MDGA2: variants seen among roughly 807,000 people sequenced by gnomAD.
MDGA2 encodes MAM domain-containing glycosylphosphatidylinositol anchor protein 2.
Under a neutral mutation model 117.8 loss-of-function variants are expected in MDGA2, and 40 were observed. The ratio of observed to expected loss-of-function variants is 0.34; its 90% CI spans 0.26 to 0.44. The LOEUF is 0.44. MDGA2 is among the 20% of genes least tolerant of loss of function. The pLI, the probability that MDGA2 is intolerant of heterozygous loss-of-function variation, is 1.00. For synonymous variants in MDGA2, 452 were observed against 439.0 expected, an observed-to-expected ratio of 1.03 and a Z score of -0.37; for missense variants, 1,123 against 1,250.6, an observed-to-expected ratio of 0.90 and a Z score of 1.54.
At position 47,312,698 on chromosome 14, in the gene MDGA2, G is replaced by GT. The variant is rs10688219; in HGVS notation, c.281-11149dup. On this transcript the variant is annotated intron_variant, in intron 1 of 16. Transcript: ENST00000399232. ...TTTAGTTTTTTTTTTGTTTTGTTTTGTTTTTTTTTTTTGTAGAGATAGGGT... is the reference window on the plus strand; with the variant it reads ...TTTAGTTTTTTTTTTGTTTTGTTTTGTTTTTTTTTTTTTGTAGAGATAGGGT... Among the ~76,000 whole-genome samples, 472 of 133,720 alleles carry GT rather than the reference G, an allele frequency of 3.5e-3. 15 individuals are homozygous for GT. The highest frequency in any genetic ancestry group is 0.012 in the African/African-American group (416 of 35,360). 87.7% of individuals were successfully genotyped at this position (133,720 alleles called of 152,430 possible).
intron 9 of MDGA2, among the ~76,000 whole-genome samples, chr14:46,928,737 A>C (rs1287237126): frequency 6.6e-6 from 1 of 152,170 alleles, no homozygotes; most frequent in Non-Finnish European, 1.5e-5. Flanking sequence ...TTTTAATACC[A>C]AAATCATGAC....
At chr14:47,226,334 G>C (rs73249923) in intron 2 of MDGA2, among the ~76,000 whole-genome samples, 1 of 152,110 alleles carries the variant, frequency 6.6e-6, no homozygotes, top group African/African-American at 2.4e-5. Context: ...ATGATGAAGA[G>C]GGACTCATCA....
chr14:47,036,202 G>A (rs1385803634), intron 7 of MDGA2, among the ~76,000 whole-genome samples: 6 of 149,252 alleles, frequency 4.0e-5, no homozygotes, highest in African/African-American at 1.2e-4. Flanking sequence ...CCCGGGAGGC[G>A]GAGCTTGCAG....
Position 47,288,230 on chromosome 14 carries a change from T to C in MDGA2, c.420+13181A>G, listed in dbSNP as rs530909312. Among the ~76,000 whole-genome samples the C allele has an allele frequency of 1.4e-4, 22 of 152,298 alleles. 3 individuals are homozygous for C. The South Asian group carries it at 4.1e-3, about 29-fold the overall frequency. On this transcript the variant is annotated intron_variant, in intron 2 of 16. Transcript: ENST00000399232. ...TATAAAATTTACATATCTCATGAAA[T>C]ATGTTTACATTCATTCTGTGCAGTA...
At chr14:46,925,524 C>T (rs945369523) in intron 9 of MDGA2, among the ~76,000 whole-genome samples, 4 of 147,526 alleles carry the variant, frequency 2.7e-5, no homozygotes, top group Admixed American at 1.4e-4. Flanking sequence ...CCCAGCTATT[C>T]GGGAGGCTGA....
At chr14:46,852,265 C>T (rs1052197452) in intron 15 of MDGA2, among the ~76,000 whole-genome samples, 2 of 150,966 alleles carry the variant, frequency 1.3e-5, no homozygotes, top group Non-Finnish European at 3.0e-5. Flanking sequence ...ATAACTGGGC[C>T]AACCACAGTG....
chr14:47,446,987 G>A (rs1893136817), intron 1 of MDGA2, among the ~76,000 whole-genome samples: 1 of 152,048 alleles, frequency 6.6e-6, no homozygotes, highest in African/African-American at 2.4e-5. Flanking sequence ...TGAATGTGCT[G>A]AACACAATGG....
intron 10 of MDGA2, among the ~76,000 whole-genome samples, chr14:46,892,633 A>G (rs1192178494): frequency 1.3e-5 from 2 of 152,002 alleles, no homozygotes; most frequent in Non-Finnish European, 2.9e-5. Flanking sequence ...TCCAAACTAT[A>G]TAATGAACTC....
At chr14:47,372,405 A>G (rs1891381903) in intron 1 of MDGA2, among the ~76,000 whole-genome samples, 1 of 151,956 alleles carries the variant, frequency 6.6e-6, no homozygotes, top group Admixed American at 6.6e-5. Context: ...TTGATAGAAA[A>G]AGGGCAAAGG....
intron 3 of MDGA2, among the ~76,000 whole-genome samples, chr14:47,208,223 C>T (rs145819537): frequency 6.6e-6 from 1 of 152,116 alleles, no homozygotes; most frequent in Non-Finnish European, 1.5e-5. Flanking sequence ...AGTACTTGAC[C>T]TTACTCACGG....
At chr14:47,289,017 T>C (rs182009894) in intron 2 of MDGA2, among the ~76,000 whole-genome samples, 3 of 152,120 alleles carry the variant, frequency 2.0e-5, no homozygotes, top group African/African-American at 4.8e-5. Flanking sequence ...TGACGGCATA[T>C]TCCTTAGCAT....
intron 8 of MDGA2, among the ~76,000 whole-genome samples, chr14:47,031,523 T>C (rs758173063): frequency 2.0e-5 from 3 of 152,152 alleles, no homozygotes; most frequent in Non-Finnish European, 2.9e-5. Context: ...AATAAACATC[T>C]TATGGAAGAA....
intron 8 of MDGA2, among the ~76,000 whole-genome samples, chr14:46,966,410 G>T (rs1886032830): frequency 1.3e-5 from 2 of 152,126 alleles, no homozygotes; most frequent in South Asian, 4.1e-4. Flanking sequence ...GTTATTTAAA[G>T]TTATCAATTA....
At chr14:46,949,326 T>C (rs1383334919) in intron 9 of MDGA2, among the ~76,000 whole-genome samples, 1 of 152,032 alleles carries the variant, frequency 6.6e-6, no homozygotes, top group Non-Finnish European at 1.5e-5. Flanking sequence ...ATTTGCTCCA[T>C]GCTGTAATTT....
chr14:47,351,608 T>A (rs898873724), intron 1 of MDGA2, among the ~76,000 whole-genome samples: 2 of 151,920 alleles, frequency 1.3e-5, no homozygotes. Context: ...CTTTAATGAG[T>A]TTCTTGTATA....
chr14:47,542,958 C>G lies in MDGA2; in HGVS notation c.280+131559G>C, dbSNP rs139260730. Among the ~76,000 whole-genome samples the G allele has an allele frequency of 6.7e-3, 1,027 of 152,224 alleles. 15 individuals are homozygous for G. The highest frequency in any genetic ancestry group is 0.024 in the African/African-American group (984 of 41,538). Reference sequence around the variant, plus strand: ...GGTGCACTGGCTCACACCTGTAGTTCCAACACTTCAGGAGGCCAAGCTAGG... The same window carrying G: ...GGTGCACTGGCTCACACCTGTAGTTGCAACACTTCAGGAGGCCAAGCTAGG... On this transcript the variant is annotated intron_variant, in intron 1 of 16. Coordinates refer to ENST00000399232, the MANE Select transcript of MDGA2 (RefSeq NM_001113498.3).
intron 1 of MDGA2, among the ~76,000 whole-genome samples, chr14:47,485,620 T>C (rs1894044272): frequency 6.6e-6 from 1 of 152,154 alleles, no homozygotes; most frequent in South Asian, 2.1e-4. Context: ...GCCCCTCCCA[T>C]CACAGGCTCA....
At chr14:46,902,258 C>T (rs1345385313) in intron 10 of MDGA2, among the ~76,000 whole-genome samples, 1 of 152,142 alleles carries the variant, frequency 6.6e-6, no homozygotes, top group South Asian at 2.1e-4. Flanking sequence ...TTTTTGTTTA[C>T]TTCCCAATGT....
chr14:47,641,086 A>G (rs765675251), intron 1 of MDGA2, among the ~76,000 whole-genome samples: 2 of 152,112 alleles, frequency 1.3e-5, no homozygotes, highest in Non-Finnish European at 2.9e-5. Flanking sequence ...AACACTCATT[A>G]AATTACTCAT....
Sources: gnomAD v4.1 joint callset for allele counts (sites outside exome capture counted in the v4.1 genomes callset) on GRCh38, gnomAD v4.1.1 for gene constraint, MANE v1.5 for transcripts, NCBI Gene and HGNC (gene_info 2026-07-23, HGNC 2026-07-21) for gene names.